BPIFA3: variants seen among roughly 807,000 people sequenced by gnomAD.
BPIFA3 encodes the protein BPI fold containing family A member 3.
BPIFA3 carries 32 observed loss-of-function variants against 29.7 expected under a neutral mutation model. That is an observed-to-expected ratio of 1.08 (90% confidence interval 0.81 to 1.45). The LOEUF (loss-of-function observed/expected upper bound fraction) is 1.45, where lower values mean the gene tolerates loss of function less well. BPIFA3 is among the 40% of genes most tolerant of loss of function. BPIFA3 has a pLI of 0.00. For synonymous variants in BPIFA3, 112 were observed against 113.7 expected, an observed-to-expected ratio of 0.98 and a Z score of 0.10; for missense variants, 323 against 311.3, an observed-to-expected ratio of 1.04 and a Z score of -0.28.
In BPIFA3 at chr20:33,217,674, C is replaced by T; in HGVS notation, c.127+11C>T. The stretch of plus-strand genomic sequence containing the variant: ...CCACCCTGGCAAGAAGTAAGCTAAG[C>T]CCCGGGCTCTGCCTGCTGCCTACGG... On this transcript the variant is annotated intron_variant, in intron 1 of 6. Coordinates refer to ENST00000375454, the MANE Select transcript of BPIFA3 (RefSeq NM_178466.5). The T allele has an allele frequency of 6.2e-7, 1 of 1,610,616 alleles. No individual in the cohort carries two copies. Among genetic ancestry groups the T allele is most frequent in the Non-Finnish European group, 8.5e-7 (1 of 1,178,528 alleles).
intron 6 of BPIFA3, 84 bp from the exon 7 acceptor site, chr20:33,227,454 C>G (rs1394484576): frequency 2.6e-6 from 3 of 1,174,584 alleles, no homozygotes; most frequent in Non-Finnish European, 3.8e-6. Flanking sequence ...CCTTTGGTCA[C>G]CATGGATGGA....
chr20:33,222,332 G>C (rs377740222), intron 1 of BPIFA3, among the ~76,000 whole-genome samples: 31 of 152,342 alleles, frequency 2.0e-4, no homozygotes, highest in African/African-American at 6.0e-4. Context: ...TCCGATAGGA[G>C]AAACAGAAAG....
intron 1 of BPIFA3, among the ~76,000 whole-genome samples, chr20:33,218,402 A>G (rs1985359899): frequency 1.3e-5 from 2 of 152,196 alleles, no homozygotes; most frequent in Admixed American, 6.5e-5. Context: ...CTGTCTCCCC[A>G]TGTTCCCCAG....
At chr20:33,225,636 TG>T (rs1985746756) in intron 4 of BPIFA3, 1 of 189,222 alleles carries the variant, frequency 5.3e-6, no homozygotes, top group South Asian at 1.2e-4. Context: ...CACAGAAATC[TG>T]GCCATGCCCA....
At chr20:33,224,223 T>C in intron 2 of BPIFA3, 132 bp from the exon 3 acceptor site, 1 of 846,776 alleles carries the variant, frequency 1.2e-6, no homozygotes, top group Non-Finnish European at 1.8e-6. Context: ...TCAGAGCATC[T>C]GTAAAAGAAT....
chr20:33,224,023 A>G, intron 2 of BPIFA3, 62 bp downstream of exon 2: 1 of 1,580,088 alleles, frequency 6.3e-7, no homozygotes, highest in East Asian at 2.3e-5. Flanking sequence ...ATCGAAGGGT[A>G]GAGCTGATGG....
At chr20:33,225,036 G>C (rs1287393306) in intron 3 of BPIFA3, 62 bp from the exon 4 acceptor site, 1 of 1,528,778 alleles carries the variant, frequency 6.5e-7, no homozygotes, top group African/African-American at 1.4e-5. Context: ...CCAATACGGA[G>C]ATTTCTACTC....
upstream of BPIFA3, chr20:33,217,334 T>TC (rs535164230): frequency 3.4e-3 from 1,894 of 552,858 alleles, 1 homozygote; most frequent in Non-Finnish European, 4.9e-3. Context: ...CTCCCAGGGT[T>TC]CCACATGTTG....
chr20:33,227,431 C>A, intron 6 of BPIFA3, 107 bp from the exon 7 acceptor site: 4 of 924,870 alleles, frequency 4.3e-6, no homozygotes, highest in Non-Finnish European at 7.0e-6. Flanking sequence ...CACGTGAACG[C>A]TCCCGGCACC....
Position 33,227,518 on chromosome 20 carries a change from G to C in BPIFA3, c.686-20G>C. On this transcript the variant is annotated intron_variant, in intron 6 of 6. Transcript: ENST00000375454. The stretch of plus-strand genomic sequence containing the variant: ...GGAGGTGGGCACACTGGTGACAGAC[G>C]CTACCTCTTCTCCTTACAGAACAGG... The C allele has an allele frequency of 6.2e-7, 1 of 1,604,864 alleles. No homozygotes were observed.
chr20:33,226,055 A>C, intron 4 of BPIFA3: 1 of 209,504 alleles, frequency 4.8e-6, no homozygotes, highest in East Asian at 1.7e-4. Context: ...TATCTCTGTA[A>C]TTCCGGAATG....
intron 1 of BPIFA3, among the ~76,000 whole-genome samples, chr20:33,219,128 C>A (rs1985397341): frequency 6.6e-6 from 1 of 152,126 alleles, no homozygotes; most frequent in Admixed American, 6.5e-5. Context: ...CGGTCTCGAA[C>A]CCCTGACCTC....
At chr20:33,223,052 T>C (rs1290722089) in intron 1 of BPIFA3, among the ~76,000 whole-genome samples, 1 of 152,076 alleles carries the variant, frequency 6.6e-6, no homozygotes, top group Non-Finnish European at 1.5e-5. Flanking sequence ...GAGCCAGGAT[T>C]TGAATCAAGA....
At position 33,224,432 on chromosome 20, in the gene BPIFA3, T is replaced by G. The variant is rs775353032; in HGVS notation, c.356T>G (p.Ile119Ser). Residue 119 changes from isoleucine (I) to serine (S), a missense_variant, in exon 3 of 7, where the codon ATC becomes AGC. Physicochemically the swap from Ile to Ser is moderately radical, Grantham distance 142 (BLOSUM62 -2). Transcript: ENST00000375454. Reference sequence around the variant, plus strand: ...CATAAGGAGTGGTTCTCGGCAAATATCTCACTTGAATTTGACCTTGAATTG... The same window carrying G: ...CATAAGGAGTGGTTCTCGGCAAATAGCTCACTTGAATTTGACCTTGAATTG... ...SFHKEWFSANISLEFDLELRP... is the reference protein window; with the variant it reads ...SFHKEWFSANSSLEFDLELRP... 2.2e-5 allele frequency: 35 copies of G among 1,613,824 alleles called. No homozygotes were observed. Among genetic ancestry groups the G allele is most frequent in the Non-Finnish European group, 2.8e-5 (33 of 1,179,824 alleles).
intron 1 of BPIFA3, among the ~76,000 whole-genome samples, chr20:33,221,449 G>A (rs115975502): frequency 2.0e-5 from 3 of 152,130 alleles, no homozygotes; most frequent in East Asian, 3.8e-4. Context: ...GAGCCACTGC[G>A]CCTGGCCAAG....
chr20:33,223,553 C>T (rs891041738), intron 1 of BPIFA3: 3 of 396,906 alleles, frequency 7.6e-6, no homozygotes, highest in Admixed American at 3.6e-5. Context: ...GTTGGGTGAA[C>T]TTTCAACCAG....
intron 6 of BPIFA3, 55 bp downstream of exon 6, chr20:33,227,048 GA>G (rs1326646706): frequency 6.5e-7 from 1 of 1,540,210 alleles, no homozygotes; most frequent in African/African-American, 1.4e-5. Context: ...GTGGCTGAAA[GA>G]GGTACCCCCG....
chr20:33,221,237 C>T (rs1985497179), intron 1 of BPIFA3, among the ~76,000 whole-genome samples: 1 of 151,792 alleles, frequency 6.6e-6, no homozygotes, highest in Non-Finnish European at 1.5e-5. Flanking sequence ...GAAACCTCCA[C>T]CTCCCAGCCT....
In BPIFA3 at chr20:33,227,008, C is replaced by T. The variant is rs1254566277; in HGVS notation, c.685+15C>T. ...AAGCCTCATAGGTGAGTGTCTGGTCCATCCAGTGAGGACTTCTTAGGACTG... is the reference window on the plus strand; with the variant it reads ...AAGCCTCATAGGTGAGTGTCTGGTCTATCCAGTGAGGACTTCTTAGGACTG... On this transcript the variant is annotated intron_variant, in intron 6 of 6. Transcript: ENST00000375454. 1 of 1,610,184 alleles carries T rather than the reference C, an allele frequency of 6.2e-7. No homozygotes were observed. The highest frequency in any genetic ancestry group is 8.5e-7 in the Non-Finnish European group (1 of 1,176,364).
Sources: gnomAD v4.1 joint callset for allele counts (sites outside exome capture counted in the v4.1 genomes callset) on GRCh38, gnomAD v4.1.1 for gene constraint, MANE v1.5 for transcripts, NCBI Gene and HGNC (gene_info 2026-07-23, HGNC 2026-07-21) for gene names.